PTP4A3: variants seen among roughly 807,000 people sequenced by gnomAD.
PTP4A3 encodes the protein protein tyrosine phosphatase type IVA 3.
In PTP4A3, 9 loss-of-function variants were observed where a neutral mutation model predicts 15.2. The ratio of observed to expected loss-of-function variants is 0.59; its 90% CI spans 0.36 to 1.03. The LOEUF (loss-of-function observed/expected upper bound fraction) is 1.03, where lower values mean the gene tolerates loss of function less well. Ranked by LOEUF, PTP4A3 falls within the 50% of genes least tolerant of loss-of-function variation. The pLI, the probability that PTP4A3 is intolerant of heterozygous loss-of-function variation, is 0.02. For synonymous variants in PTP4A3, 95 were observed against 102.0 expected (o/e 0.93, Z 0.41); for missense variants, 234 against 252.1 (o/e 0.93, Z 0.49).
Position 141,397,246 on chromosome 8 carries a change from C to T in PTP4A3, c.-854+5162C>T, listed in dbSNP as rs1043112293. ...TCATCCTGGTGGGTCCCTGTGACAACAGGACAGGCTGCCTGCCCATTGTAC... is the reference window on the plus strand; with the variant it reads ...TCATCCTGGTGGGTCCCTGTGACAATAGGACAGGCTGCCTGCCCATTGTAC... On this transcript the variant is annotated intron_variant, in intron 1 of 5. Coordinates refer to ENST00000521578, the MANE Select transcript of PTP4A3 (RefSeq NM_032611.3). Among the ~76,000 whole-genome samples the T allele has an allele frequency of 7.2e-5, 11 of 152,314 alleles. No individual in the cohort carries two copies. In the East Asian group the frequency reaches 9.7e-4, roughly 13 times the overall value.
At chr8:141,430,358 G>A (rs1000658126) in intron 5 of PTP4A3, among the ~76,000 whole-genome samples, 65 of 148,486 alleles carry the variant, frequency 4.4e-4, no homozygotes, top group Non-Finnish European at 7.9e-4. Flanking sequence ...GTAAGGACCC[G>A]GTGGCGGGGA....
chr8:141,426,686 G>A, intron 3 of PTP4A3: 2 of 985,014 alleles, frequency 2.0e-6, no homozygotes, highest in Non-Finnish European at 2.4e-6. Flanking sequence ...AAGGGGTGGG[G>A]TGGTCCAGGA....
rs79214559 is a variant in PTP4A3 at position 141,425,354 on chromosome 8, C to T, written c.198+214C>T. ...AAGTCACCCTTGCGCACCCGTCTTT[C>T]TGTCTCTAGGGTGGGCCAGCACGGT... On this transcript the variant is annotated intron_variant, in intron 3 of 5. Coordinates refer to ENST00000521578, the MANE Select transcript of PTP4A3 (RefSeq NM_032611.3). The surrounding 1 kb of genome is among the most constrained non-coding windows in gnomAD (Gnocchi z 4.2). Among the ~76,000 whole-genome samples the T allele has an allele frequency of 0.013, 2,036 of 152,230 alleles. 133 individuals are homozygous for T. In the East Asian group the frequency reaches 0.21, roughly 16 times the overall value.
intron 4 of PTP4A3, 129 bp downstream of exon 4, chr8:141,427,198 A>C: frequency 7.5e-7 from 1 of 1,332,192 alleles, no homozygotes. Flanking sequence ...CCATGCCCCT[A>C]GTGCTGGGGC....
At chr8:141,430,856 G>C in intron 5 of PTP4A3, 71 bp from the exon 6 acceptor site, 4 of 1,473,066 alleles carry the variant, frequency 2.7e-6, no homozygotes, top group Non-Finnish European at 1.9e-6. Flanking sequence ...TCAGATTCCA[G>C]CTCCCTGGGG....
chr8:141,428,190 G>A (rs890229414), intron 5 of PTP4A3, among the ~76,000 whole-genome samples: 5 of 152,060 alleles, frequency 3.3e-5, no homozygotes, highest in African/African-American at 1.2e-4. Context: ...ACACCACACC[G>A]TGTCCACCCC....
At chr8:141,410,450 C>T (rs1008204557) in intron 1 of PTP4A3, among the ~76,000 whole-genome samples, 2 of 152,228 alleles carry the variant, frequency 1.3e-5, no homozygotes, top group Admixed American at 1.3e-4. Context: ...ACGCAGGCTC[C>T]CCTGAGGGTT....
intron 1 of PTP4A3, among the ~76,000 whole-genome samples, chr8:141,410,014 A>G (rs1435396873): frequency 6.6e-6 from 1 of 152,234 alleles, no homozygotes; most frequent in African/African-American, 2.4e-5. Context: ...CACGGCTGTG[A>G]CGAACATGGG....
At chr8:141,416,270 G>A (rs189756526) in intron 1 of PTP4A3, among the ~76,000 whole-genome samples, 152 of 152,190 alleles carry the variant, frequency 1.0e-3, no homozygotes, top group African/African-American at 3.5e-3. Context: ...AGAGGGCTAG[G>A]GTGGGGATAA....
At chr8:141,419,929 G>C (rs906350994) in intron 1 of PTP4A3, among the ~76,000 whole-genome samples, 5 of 152,188 alleles carry the variant, frequency 3.3e-5, no homozygotes, top group Non-Finnish European at 7.3e-5. Context: ...CAGAGCCTGA[G>C]GTGTGGCGGC....
At chr8:141,392,163 GC>G (rs1343352369) in intron 1 of PTP4A3, 79 bp downstream of exon 1, 2 of 147,972 alleles carry the variant, frequency 1.4e-5, no homozygotes, top group Non-Finnish European at 3.0e-5. Context: ...CCGCGCGCGA[GC>G]CCGCCGCCCG....
At chr8:141,423,547 C>T (rs981658889) in intron 2 of PTP4A3, among the ~76,000 whole-genome samples, 2 of 149,934 alleles carry the variant, frequency 1.3e-5, no homozygotes, top group African/African-American at 2.5e-5. Flanking sequence ...AGTGTGTGTC[C>T]AGGATCAGGG....
In PTP4A3 at chr8:141,430,990, G is replaced by A. The variant is rs936939850; in HGVS notation, c.468G>A (p.Gln156=). 27 of 1,613,250 alleles carry A rather than the reference G, an allele frequency of 1.7e-5. No homozygotes were observed. The highest frequency in any genetic ancestry group is 1.7e-5 in the Admixed American group (1 of 59,996). The part of the protein sequence containing the change: ...LTYLEKYRPK[Q]RLRFKDPHTH... ...ACCTGGAGAAATACCGGCCCAAACA[G>A]AGGCTGCGGTTCAAAGACCCACACA... Residue 156 remains glutamine (Q), a synonymous_variant, in exon 6 of 6, where the codon CAG becomes CAA. Transcript: ENST00000521578.
At chr8:141,416,987 C>T (rs753558428) in intron 1 of PTP4A3, among the ~76,000 whole-genome samples, 2 of 152,174 alleles carry the variant, frequency 1.3e-5, no homozygotes, top group Non-Finnish European at 2.9e-5. Flanking sequence ...TGCCGCTCCA[C>T]CCTGCTCTGA....
At chr8:141,397,370 G>T (rs571057634) in intron 1 of PTP4A3, among the ~76,000 whole-genome samples, 1 of 152,368 alleles carries the variant, frequency 6.6e-6, no homozygotes, top group Admixed American at 6.5e-5. Flanking sequence ...TGGAGCCCCC[G>T]GGTGGGCTGA....
Position 141,392,079 on chromosome 8 carries a change from C to T in PTP4A3, c.-859C>T, listed in dbSNP as rs1439917664. On this transcript the variant is annotated 5_prime_UTR_variant, in exon 1 of 6. Transcript: ENST00000521578. The stretch of plus-strand genomic sequence containing the variant: ...CCCGTCGTGCCGGCGCCGCCCGGAC[C>T]GCCAGGTCAGTCTCCTCCGCGCCCG... 2 of 146,966 alleles carry T rather than the reference C, an allele frequency of 1.4e-5. No individual in the cohort carries two copies. Among genetic ancestry groups the T allele is most frequent in the East Asian group, 2.0e-4 (1 of 5,090 alleles). The allele number at this position is 146,966 out of a possible 1,614,324, so 9.1% of individuals were successfully genotyped here.
intron 1 of PTP4A3, among the ~76,000 whole-genome samples, chr8:141,398,093 AT>A (rs1250152958): frequency 6.6e-6 from 1 of 152,184 alleles, no homozygotes; most frequent in Non-Finnish European, 1.5e-5. Flanking sequence ...TGGTGTTGGG[AT>A]GGCCAAGAAG....
At chr8:141,395,337 C>G (rs1235210597) in intron 1 of PTP4A3, among the ~76,000 whole-genome samples, 1 of 152,240 alleles carries the variant, frequency 6.6e-6, no homozygotes, top group Non-Finnish European at 1.5e-5. Flanking sequence ...TTCCTCCCAG[C>G]CAAGGGTGTG....
intron 1 of PTP4A3, among the ~76,000 whole-genome samples, chr8:141,419,634 C>T (rs1025206296): frequency 2.0e-5 from 3 of 149,074 alleles, no homozygotes; most frequent in Admixed American, 6.8e-5. Flanking sequence ...GGCAATGGAG[C>T]GATCTCGGCT....
Sources: allele counts gnomAD v4.1 joint callset (sites outside exome capture counted in the v4.1 genomes callset), GRCh38; gene constraint gnomAD v4.1.1; non-coding constraint Gnocchi (gnomAD v3.1); transcripts MANE v1.5; gene names NCBI Gene and HGNC (gene_info 2026-07-23, HGNC 2026-07-21).